Variants in RHOQ observed in about 807,000 individuals in gnomAD.
RHOQ encodes rho-related GTP-binding protein RhoQ.
In RHOQ, 7 loss-of-function variants were observed where a neutral mutation model predicts 25.8. The observed-to-expected ratio is 0.27, with a 90% CI of 0.15 to 0.51. The LOEUF is 0.51. Ranked by LOEUF, RHOQ falls within the 20% of genes least tolerant of loss-of-function variation. RHOQ has a pLI of 0.97. For missense variants in RHOQ, 165 were observed against 260.6 expected (o/e 0.63, Z 2.53); for synonymous variants, 97 against 98.6 (o/e 0.98, Z 0.10).
Position 46,584,039 on chromosome 2 carries a change from T to C in RHOQ, c.*2956T>C, listed in dbSNP as rs1223358579. ...GAATTCTATTTACAATAAGTGGAGCTTGGATTAATGGGTTTTGTTATGAAT... is the reference window on the plus strand; with the variant it reads ...GAATTCTATTTACAATAAGTGGAGCCTGGATTAATGGGTTTTGTTATGAAT... On this transcript the variant is annotated 3_prime_UTR_variant, in exon 5 of 5. Transcript: ENST00000238738. Among the ~76,000 whole-genome samples the C allele has an allele frequency of 2.0e-5, 3 of 152,186 alleles. 1 individual carries two copies. The highest frequency in any genetic ancestry group is 1.5e-5 in the Non-Finnish European group (1 of 67,998).
At chr2:46,543,426 C>T (rs1667906889) in intron 1 of RHOQ, 6 of 602,562 alleles carry the variant, frequency 1.0e-5, no homozygotes, top group Admixed American at 3.0e-5. Flanking sequence ...ACTTCCTACC[C>T]CTCGGCGCCC....
rs141525694 is a variant in RHOQ at position 46,551,229 on chromosome 2, G to T, written c.201+7417G>T. On this transcript the variant is annotated intron_variant, in intron 2 of 4. Coordinates refer to ENST00000238738, the MANE Select transcript of RHOQ (RefSeq NM_012249.4). ...AGATAAGGGATTTCCTCAGCCCTCA[G>T]GGCAGCTGGGTAGGGCCTGGGACAA... 1.1e-3 allele frequency among the ~76,000 whole-genome samples: 172 copies of T among 152,316 alleles called. 1 individual carries two copies. Among genetic ancestry groups the T allele is most frequent in the African/African-American group, 4.0e-3 (165 of 41,564 alleles).
intron 4 of RHOQ, among the ~76,000 whole-genome samples, chr2:46,578,328 C>T (rs1407298020): frequency 6.6e-6 from 1 of 151,828 alleles, no homozygotes; most frequent in Non-Finnish European, 1.5e-5. Flanking sequence ...TCAAGCAATT[C>T]CATATGTAAG....
chr2:46,579,563 G>A (rs1184847621), intron 4 of RHOQ, among the ~76,000 whole-genome samples: 1 of 152,142 alleles, frequency 6.6e-6, no homozygotes, highest in Non-Finnish European at 1.5e-5. Context: ...CAGGTCAGAA[G>A]CCCTCAGCTG....
At chr2:46,570,570 CAT>C (rs1470336637) in intron 2 of RHOQ, among the ~76,000 whole-genome samples, 1 of 152,188 alleles carries the variant, frequency 6.6e-6, no homozygotes, top group Admixed American at 6.5e-5. Context: ...GGCTTCATGA[CAT>C]GTGTCCTCTG....
intron 2 of RHOQ, among the ~76,000 whole-genome samples, chr2:46,547,269 C>T (rs530421314): frequency 1.3e-5 from 2 of 152,338 alleles, no homozygotes; most frequent in Admixed American, 6.5e-5. Context: ...CTCTAGTCCA[C>T]TTGCTCACTC....
intron 2 of RHOQ, among the ~76,000 whole-genome samples, chr2:46,573,143 A>G (rs1036253544): frequency 3.3e-5 from 5 of 151,046 alleles, no homozygotes; most frequent in Non-Finnish European, 7.4e-5. Flanking sequence ...TGCTCACTGC[A>G]GCCTCCACCT....
rs1190859752 is a variant in RHOQ at position 46,546,470 on chromosome 2, A to ATG, written c.201+2659_201+2660insGT. Reference sequence around the variant, plus strand: ...CATATACATATATATATATATATATATATGTGTATATATATATATATATAT... The same window carrying ATG: ...CATATACATATATATATATATATATATGTATGTGTATATATATATATATATAT... On this transcript the variant is annotated intron_variant, in intron 2 of 4. Coordinates refer to ENST00000238738, the MANE Select transcript of RHOQ (RefSeq NM_012249.4). 3.5e-3 allele frequency among the ~76,000 whole-genome samples: 55 copies of ATG among 15,694 alleles called. 2 individuals are homozygous for ATG. The highest frequency in any genetic ancestry group is 4.1e-3 in the South Asian group (1 of 242). The allele number at this position is 15,694 out of a possible 152,430, so 10.3% of individuals were successfully genotyped here.
In RHOQ at chr2:46,569,592, T is replaced by A. The variant is rs1668847780; in HGVS notation, c.202-6495T>A. The A allele has an allele frequency of 6.6e-6, 1 of 152,130 alleles. No individual in the cohort carries two copies. The highest frequency in any genetic ancestry group is 6.6e-5 in the Admixed American group (1 of 15,256). 9.4% of individuals were successfully genotyped at this position (152,130 alleles called of 1,614,324 possible). A position where few individuals can be genotyped will look rare whatever the true frequency, so the allele number is the denominator to read the frequency against. On this transcript the variant is annotated intron_variant, in intron 2 of 4. Transcript: ENST00000238738. This position sits in a 1 kb window ranked among gnomAD's most constrained non-coding sequence, Gnocchi z 4.1. ...CAACCTAAACAGGAGTTACAATCAG[T>A]CAGGTGGCCAAAAGGAAAGCACAAT...
chr2:46,579,072 C>T (rs1300123862), intron 4 of RHOQ, among the ~76,000 whole-genome samples: 1 of 152,174 alleles, frequency 6.6e-6, no homozygotes, highest in Non-Finnish European at 1.5e-5. Flanking sequence ...TCTATTAAAA[C>T]TTCATACTAT....
At chr2:46,580,695 G>T in intron 4 of RHOQ, 1 of 352,932 alleles carries the variant, frequency 2.8e-6, no homozygotes, top group Non-Finnish European at 5.1e-6. Context: ...AACAGTGCTT[G>T]ACATATAGTA....
rs1310567678 is a variant in RHOQ at position 46,556,615 on chromosome 2, A to G, written c.201+12803A>G. On this transcript the variant is annotated intron_variant, in intron 2 of 4. Transcript: ENST00000238738. This position sits in a 1 kb window ranked among gnomAD's most constrained non-coding sequence, Gnocchi z 4.9. ...AATAGCTTTATTTATCAAACATATA[A>G]ATATCCATTAAACATAAGAGTGAGG... Among the ~76,000 whole-genome samples the G allele has an allele frequency of 2.6e-5, 4 of 152,088 alleles. No homozygotes were observed. The highest frequency in any genetic ancestry group is 2.6e-4 in the Admixed American group (4 of 15,266).
intron 2 of RHOQ, among the ~76,000 whole-genome samples, chr2:46,560,069 C>T (rs1668527385): frequency 1.3e-5 from 2 of 152,184 alleles, no homozygotes; most frequent in African/African-American, 2.4e-5. Flanking sequence ...AAAGCAAACT[C>T]GTTCCACCCT....
intron 2 of RHOQ, among the ~76,000 whole-genome samples, chr2:46,561,171 GTGTGTATATATATA>G (rs941627283): frequency 1.3e-5 from 2 of 151,740 alleles, no homozygotes; most frequent in African/African-American, 4.8e-5. Context: ...ATATATATGT[GTGTGTATATATATA>G]TGTGTATATA....
chr2:46,576,029 T>C lies in RHOQ; in HGVS notation c.202-58T>C, dbSNP rs1669111639. The stretch of plus-strand genomic sequence containing the variant: ...CTTTGACCATGTAATCTAATGTACA[T>C]ATTACTAGTAAACAATAGAAATGTA... On this transcript the variant is annotated intron_variant, in intron 2 of 4. Transcript: ENST00000238738. This position sits in a 1 kb window ranked among gnomAD's most constrained non-coding sequence, Gnocchi z 5.1. The C allele has an allele frequency of 1.4e-6, 2 of 1,443,208 alleles. No homozygotes were observed. Among genetic ancestry groups the C allele is most frequent in the Admixed American group, 4.4e-5 (2 of 45,354 alleles). 89.4% of individuals were successfully genotyped at this position (1,443,208 alleles called of 1,614,324 possible). A position where few individuals can be genotyped will look rare whatever the true frequency, so the allele number is the denominator to read the frequency against.
intron 2 of RHOQ, among the ~76,000 whole-genome samples, chr2:46,571,800 G>A (rs1282480853): frequency 6.6e-6 from 1 of 152,192 alleles, no homozygotes; most frequent in Non-Finnish European, 1.5e-5. Flanking sequence ...ATCGTCCAAT[G>A]TGAGTGTTTT....
At chr2:46,574,806 G>A (rs1669054545) in intron 2 of RHOQ, among the ~76,000 whole-genome samples, 1 of 152,156 alleles carries the variant, frequency 6.6e-6, no homozygotes, top group Admixed American at 6.6e-5. Context: ...AAAAATGCAT[G>A]AAAGGAAAAT....
Position 46,576,321 on chromosome 2 carries a change from A to G in RHOQ, c.366+70A>G. ...TCTGTCGTAGAGGCTGCTCTCAGAC[A>G]AACAGTCCCAAAGCTGAGCAAATGA... On this transcript the variant is annotated intron_variant, in intron 3 of 4. Coordinates refer to ENST00000238738, the MANE Select transcript of RHOQ (RefSeq NM_012249.4). The surrounding 1 kb of genome is among the most constrained non-coding windows in gnomAD (Gnocchi z 5.1). The G allele has an allele frequency of 7.7e-7, 1 of 1,295,432 alleles. No individual in the cohort carries two copies. Among genetic ancestry groups the G allele is most frequent in the Non-Finnish European group, 1.1e-6 (1 of 922,396 alleles). The allele number at this position is 1,295,432 out of a possible 1,614,324, so 80.2% of individuals were successfully genotyped here.
intron 2 of RHOQ, among the ~76,000 whole-genome samples, chr2:46,562,952 C>T (rs919853035): frequency 3.3e-5 from 5 of 152,188 alleles, no homozygotes; most frequent in Admixed American, 6.5e-5. Flanking sequence ...GAACACTATT[C>T]GGTGGACATG....
Sources: gnomAD v4.1 joint callset for allele counts (sites outside exome capture counted in the v4.1 genomes callset) on GRCh38, gnomAD v4.1.1 for gene constraint, Gnocchi (gnomAD v3.1) non-coding constraint, MANE v1.5 for transcripts, NCBI Gene and HGNC (gene_info 2026-07-23, HGNC 2026-07-21) for gene names.